PAK2: variants seen among roughly 807,000 people sequenced by gnomAD.
PAK2 encodes serine/threonine-protein kinase PAK 2.
In PAK2, 21 loss-of-function variants were observed where a neutral mutation model predicts 65.9. The ratio of observed to expected loss-of-function variants is 0.32; its 90% CI spans 0.23 to 0.46. The LOEUF is 0.46. Among genes scored for constraint, PAK2 ranks in the 20% least tolerant of loss-of-function variants. The pLI is 1.00. For synonymous variants in PAK2, 204 were observed against 219.7 expected, an observed-to-expected ratio of 0.93 and a Z score of 0.63; for missense variants, 324 against 642.6, an observed-to-expected ratio of 0.50 and a Z score of 5.36.
chr3:196,752,755 C>T (rs1577697294), intron 1 of PAK2, among the ~76,000 whole-genome samples: 2 of 152,094 alleles, frequency 1.3e-5, no homozygotes, highest in South Asian at 2.1e-4. Flanking sequence ...CGTGTACCAC[C>T]ACGCCTGGCT....
intron 12 of PAK2, among the ~76,000 whole-genome samples, chr3:196,819,667 A>G (rs1711588998): frequency 6.6e-6 from 1 of 152,146 alleles, no homozygotes; most frequent in Admixed American, 6.6e-5. Context: ...TTAACAGTAT[A>G]AGAAAGAATT....
chr3:196,768,704 T>G (rs1484086763), intron 1 of PAK2, among the ~76,000 whole-genome samples: 1 of 151,754 alleles, frequency 6.6e-6, no homozygotes, highest in African/African-American at 2.4e-5. Flanking sequence ...TCTTGCTCTG[T>G]CCCTCAGGCT....
chr3:196,748,233 A>T (rs1181962301), intron 1 of PAK2, among the ~76,000 whole-genome samples: 1 of 151,822 alleles, frequency 6.6e-6, no homozygotes, highest in Non-Finnish European at 1.5e-5. Context: ...GTTCCCATAT[A>T]CCCCATGCTC....
intron 9 of PAK2, 77 bp from the exon 10 acceptor site, chr3:196,812,660 AGT>A: frequency 1.5e-6 from 1 of 687,942 alleles, no homozygotes; most frequent in South Asian, 1.7e-5. Context: ...ACGTACCGTG[AGT>A]TATCAACTGC....
intron 8 of PAK2, 96 bp downstream of exon 8, chr3:196,810,749 T>C (rs919428172): frequency 4.3e-6 from 3 of 704,662 alleles, no homozygotes; most frequent in Admixed American, 2.3e-5. Flanking sequence ...ATCAAGTACT[T>C]ATATAGTATT....
chr3:196,751,827 C>G (rs1263603175), intron 1 of PAK2, among the ~76,000 whole-genome samples: 1 of 147,978 alleles, frequency 6.8e-6, no homozygotes, highest in Non-Finnish European at 1.5e-5. Flanking sequence ...ACTGCAACCT[C>G]CTCCTCCCAG....
chr3:196,819,215 G>A (rs137908787), intron 12 of PAK2, among the ~76,000 whole-genome samples: 1,578 of 152,284 alleles, frequency 0.01, 28 homozygotes, highest in African/African-American at 0.033. Flanking sequence ...GTCGAGGCAG[G>A]TGGATTGCTT....
intron 6 of PAK2, among the ~76,000 whole-genome samples, chr3:196,807,120 G>C (rs79802281): frequency 0.032 from 4,872 of 152,212 alleles, 120 homozygotes; most frequent in Middle Eastern, 0.068. Flanking sequence ...TTCCTAACCA[G>C]GTAAGGGAGA....
In PAK2 at chr3:196,828,395, G is replaced by A; in HGVS notation, c.1565G>A (p.Ser522Asn). Residue 522 changes from serine (S) to asparagine (N), a missense_variant, in exon 15 of 15, where the codon AGT becomes AAT. Around this residue, in one of 5 missense-constraint regions of PAK2, gnomAD observed 43 missense variants for 67.6 expected, o/e 0.64. Transcript: ENST00000327134. Reference sequence around the variant, plus strand: ...ATGGCAGCTAAAGAAGCAATGAAGAGTAACCGTTAACATCACTGCTGTGGC... The same window carrying A: ...ATGGCAGCTAAAGAAGCAATGAAGAATAACCGTTAACATCACTGCTGTGGC... ...LIMAAKEAMK[S>N]NR 7 of 1,589,486 alleles carry A rather than the reference G, an allele frequency of 4.4e-6. No individual in the cohort carries two copies. The highest frequency in any genetic ancestry group is 6.0e-6 in the Non-Finnish European group (7 of 1,158,458).
chr3:196,772,628 C>T lies in PAK2; in HGVS notation c.-21-9998C>T, dbSNP rs566470024. Among the ~76,000 whole-genome samples, 4 of 152,298 alleles carry T rather than the reference C, an allele frequency of 2.6e-5. No individual in the cohort carries two copies. The East Asian group carries it at 7.7e-4, about 29-fold the overall frequency. Reference sequence around the variant, plus strand: ...GTTATGGCCATTGTCACCGTCACCACATGAGAACACTCTTGCTTCAGAGTT... The same window carrying T: ...GTTATGGCCATTGTCACCGTCACCATATGAGAACACTCTTGCTTCAGAGTT... On this transcript the variant is annotated intron_variant, in intron 1 of 14. Coordinates refer to ENST00000327134, the MANE Select transcript of PAK2 (RefSeq NM_002577.4).
intron 4 of PAK2, among the ~76,000 whole-genome samples, chr3:196,804,889 G>T (rs1715538875): frequency 6.6e-6 from 1 of 151,342 alleles, no homozygotes; most frequent in Non-Finnish European, 1.5e-5. Context: ...GTATGTCTCT[G>T]GGCATTTTTA....
At position 196,821,306 on chromosome 3, in the gene PAK2, G is replaced by A. The variant is rs1318144774; in HGVS notation, c.1350+739G>A. 5.3e-5 allele frequency among the ~76,000 whole-genome samples: 8 copies of A among 151,948 alleles called. No individual in the cohort carries two copies. The East Asian group carries it at 7.7e-4, about 15-fold the overall frequency. On this transcript the variant is annotated intron_variant, in intron 13 of 14. Coordinates refer to ENST00000327134, the MANE Select transcript of PAK2 (RefSeq NM_002577.4). Reference sequence around the variant, plus strand: ...AGCACTACTGCACTCCAGCCTGGGCGACAGGGTGAGACTCTGTCTCAGCAA... The same window carrying A: ...AGCACTACTGCACTCCAGCCTGGGCAACAGGGTGAGACTCTGTCTCAGCAA...
intron 1 of PAK2, among the ~76,000 whole-genome samples, chr3:196,753,502 TC>T (rs2108712883): frequency 6.6e-6 from 1 of 152,352 alleles, no homozygotes; most frequent in East Asian, 1.9e-4. Flanking sequence ...CCTAATTATT[TC>T]TTTTATCTCG....
chr3:196,789,529 C>G (rs1167805211), intron 2 of PAK2, among the ~76,000 whole-genome samples: 1 of 151,016 alleles, frequency 6.6e-6, no homozygotes, highest in African/African-American at 2.5e-5. Flanking sequence ...ATGGCGTGGT[C>G]TCAGCTCACT....
At chr3:196,748,731 G>A (rs1179681837) in intron 1 of PAK2, among the ~76,000 whole-genome samples, 1 of 152,118 alleles carries the variant, frequency 6.6e-6, no homozygotes, top group African/African-American at 2.4e-5. Flanking sequence ...GACCAGGTTT[G>A]GTGATTATGA....
rs187233447 is a variant in PAK2 at position 196,757,420 on chromosome 3, A to T, written c.-22+17263A>T. Among the ~76,000 whole-genome samples, 618 of 152,264 alleles carry T rather than the reference A, an allele frequency of 4.1e-3. 3 individuals are homozygous for T. Among genetic ancestry groups the T allele is most frequent in the Non-Finnish European group, 6.9e-3 (469 of 68,006 alleles). ...GAGAGATTTACAAAGAGTTTCTGTT[A>T]TTTTTTCCATCCACGTCATTTCCCT... is the stretch of plus-strand genomic sequence containing the variant. On this transcript the variant is annotated intron_variant, in intron 1 of 14. Coordinates refer to ENST00000327134, the MANE Select transcript of PAK2 (RefSeq NM_002577.4).
intron 2 of PAK2, among the ~76,000 whole-genome samples, chr3:196,793,479 C>T (rs1715140973): frequency 6.6e-6 from 1 of 152,160 alleles, no homozygotes; most frequent in Non-Finnish European, 1.5e-5. Flanking sequence ...TTAAGGTTGG[C>T]TTAACTCCCA....
At chr3:196,824,812 T>TA (rs899605588) in intron 13 of PAK2, among the ~76,000 whole-genome samples, 254 of 142,710 alleles carry the variant, frequency 1.8e-3, no homozygotes, top group East Asian at 2.0e-3. Flanking sequence ...GAGAATGCAT[T>TA]AAAAAAAAAA....
intron 1 of PAK2, among the ~76,000 whole-genome samples, chr3:196,751,892 G>A (rs533558267): frequency 2.0e-5 from 3 of 150,706 alleles, no homozygotes; most frequent in African/African-American, 7.3e-5. Context: ...ACAGGCGCAT[G>A]CCACCACTCT....
Sources: gnomAD v4.1 joint callset for allele counts (sites outside exome capture counted in the v4.1 genomes callset) on GRCh38, gnomAD v4.1.1 for gene constraint, gnomAD v4.1.1 regional missense constraint, MANE v1.5 for transcripts, NCBI Gene and HGNC (gene_info 2026-07-23, HGNC 2026-07-21) for gene names.